B4GALNT2: variants seen among roughly 807,000 people sequenced by gnomAD.
B4GALNT2 encodes beta-1,4-N-acetyl-galactosaminyltransferase 2 (SID blood group).
A neutral mutation model predicts 51.1 loss-of-function variants in B4GALNT2; 42 were observed. The observed-to-expected ratio is 0.82, with a 90% CI of 0.64 to 1.06. The LOEUF (loss-of-function observed/expected upper bound fraction) is 1.06. Ranked by LOEUF, B4GALNT2 falls within the 50% of genes least tolerant of loss-of-function variation. The pLI is 0.00. For missense variants in B4GALNT2, 602 were observed against 633.6 expected (o/e 0.95, Z 0.54); for synonymous variants, 253 against 251.7 (o/e 1.01, Z -0.05).
At chr17:49,161,232 G>A (rs1238754296) in intron 7 of B4GALNT2, among the ~76,000 whole-genome samples, 5 of 148,694 alleles carry the variant, frequency 3.4e-5, no homozygotes, top group Non-Finnish European at 5.9e-5. Context: ...CCAAGATTGC[G>A]CCACTGCACT....
intron 1 of B4GALNT2, among the ~76,000 whole-genome samples, chr17:49,135,635 T>C (rs943628209): frequency 6.6e-6 from 1 of 152,128 alleles, no homozygotes; most frequent in African/African-American, 2.4e-5. Flanking sequence ...TTTTGACCAA[T>C]AAAAAATCTG....
In B4GALNT2 at chr17:49,141,366, C is replaced by G. The variant is rs752554373; in HGVS notation, c.134C>G (p.Pro45Arg). The G allele has an allele frequency of 1.2e-6, 2 of 1,614,176 alleles. No individual in the cohort carries two copies. Among genetic ancestry groups the G allele is most frequent in the Admixed American group, 3.3e-5 (2 of 60,020 alleles). ...AVFSSPKPEL[P>R]SPAPGVQKLK... ...TTCAGCAGCCCCAAGCCAGAACTCCCAAGTCCTGCCCCGGGTGTCCAGAAG... is the reference window on the plus strand; with the variant it reads ...TTCAGCAGCCCCAAGCCAGAACTCCGAAGTCCTGCCCCGGGTGTCCAGAAG... Residue 45 changes from proline (P) to arginine (R), a missense_variant, in exon 2 of 11, where the codon CCA becomes CGA. By Grantham distance (103) the Pro-to-Arg change is moderately radical. Coordinates refer to ENST00000393354, the MANE Select transcript of B4GALNT2 (RefSeq NM_001159387.2).
rs376911707 is a variant in B4GALNT2 at position 49,156,594 on chromosome 17, C to T, written c.489C>T (p.Pro163=). 22 of 1,613,640 alleles carry T rather than the reference C, an allele frequency of 1.4e-5. No individual in the cohort carries two copies. The highest frequency in any genetic ancestry group is 2.2e-5 in the South Asian group (2 of 90,944). The change falls in exon 5 of 11, where the codon CCC becomes CCT. Residue 163 remains proline, a synonymous_variant. Coordinates refer to ENST00000393354, the MANE Select transcript of B4GALNT2 (RefSeq NM_001159387.2). ...TCCAGTTTGAAGGACCCGATGCCCCCGTCTATGAGGTGAGTCCTTCTCCCA... is the reference window on the plus strand; with the variant it reads ...TCCAGTTTGAAGGACCCGATGCCCCTGTCTATGAGGTGAGTCCTTCTCCCA... ...PGLQFEGPDA[P]VYEVTLTASL...
chr17:49,150,432 C>G (rs2042741682), intron 3 of B4GALNT2, among the ~76,000 whole-genome samples: 2 of 152,260 alleles, frequency 1.3e-5, no homozygotes, highest in African/African-American at 4.8e-5. Flanking sequence ...TACCCAACAG[C>G]TCATTGAGAA....
Position 49,171,512 on chromosome 17 carries a change from A to C in B4GALNT2, c.*1784A>C, listed in dbSNP as rs2042957481. ...TTTCCCAAATTTTGATCTTATTAAC[A>C]GACATTAATAGTTTCCACAAATCCT... On this transcript the variant is annotated 3_prime_UTR_variant, in exon 11 of 11. Transcript: ENST00000393354. The C allele has an allele frequency of 2.5e-6, 1 of 396,004 alleles. No individual in the cohort carries two copies. The highest frequency in any genetic ancestry group is 2.1e-5 in the African/African-American group (1 of 46,744). The allele number at this position is 396,004 out of a possible 1,614,324, so 24.5% of individuals were successfully genotyped here. A position where few individuals can be genotyped will look rare whatever the true frequency, so the allele number is the denominator to read the frequency against.
chr17:49,129,151 G>C (rs1010401645), upstream of B4GALNT2, among the ~76,000 whole-genome samples: 6 of 151,718 alleles, frequency 4.0e-5, no homozygotes, highest in African/African-American at 1.5e-4. Context: ...TTGGACTGGA[G>C]CCACAAGAAG....
At chr17:49,134,805 A>G (rs892016177) in intron 1 of B4GALNT2, among the ~76,000 whole-genome samples, 1 of 152,122 alleles carries the variant, frequency 6.6e-6, no homozygotes, top group Non-Finnish European at 1.5e-5. Flanking sequence ...TGGCCAAGCT[A>G]GTCCCGAACT....
chr17:49,158,800 G>A (rs1189977333), intron 5 of B4GALNT2, among the ~76,000 whole-genome samples: 1 of 152,020 alleles, frequency 6.6e-6, no homozygotes. Context: ...AGATGGGAAT[G>A]TTTCCAGAAA....
chr17:49,151,654 G>A (rs1344645309), intron 3 of B4GALNT2, among the ~76,000 whole-genome samples: 2 of 151,542 alleles, frequency 1.3e-5, no homozygotes, highest in African/African-American at 4.9e-5. Flanking sequence ...GCTGAGGCAG[G>A]AGAATCACTT....
intron 1 of B4GALNT2, among the ~76,000 whole-genome samples, chr17:49,135,487 T>TGATCGA (rs1284229271): frequency 6.6e-6 from 1 of 151,724 alleles, no homozygotes; most frequent in Non-Finnish European, 1.5e-5. Context: ...CTTGATCTCC[T>TGATCGA]GATCTCATGA....
At chr17:49,159,261 A>T (rs1387191247) in intron 6 of B4GALNT2, 44 bp downstream of exon 6, 2 of 1,582,634 alleles carry the variant, frequency 1.3e-6, no homozygotes, top group Admixed American at 3.4e-5. Flanking sequence ...GGGATCCAGA[A>T]GATACCTCTG....
chr17:49,176,539 C>T lies in B4GALNT2; in HGVS notation c.*6811C>T, dbSNP rs2042989635. 6.6e-6 allele frequency: 1 copy of T among 152,208 alleles called. No homozygotes were observed. The highest frequency in any genetic ancestry group is 2.4e-5 in the African/African-American group (1 of 41,452). 9.4% of individuals were successfully genotyped at this position (152,208 alleles called of 1,614,324 possible). A position where few individuals can be genotyped will look rare whatever the true frequency, so the allele number is the denominator to read the frequency against. ...GCTTAGGAACACCTTAAGAGGTTTT[C>T]CCCCCTGGGTGGGACAGGTGTTCCT... is the stretch of plus-strand genomic sequence containing the variant. On this transcript the variant is annotated 3_prime_UTR_variant, in exon 11 of 11. Coordinates refer to ENST00000393354, the MANE Select transcript of B4GALNT2 (RefSeq NM_001159387.2).
intron 3 of B4GALNT2, among the ~76,000 whole-genome samples, chr17:49,143,742 T>C (rs2042666936): frequency 6.6e-6 from 1 of 152,208 alleles, no homozygotes; most frequent in Admixed American, 6.5e-5. Flanking sequence ...AGCACGGTGC[T>C]GGCATCTGGT....
intron 5 of B4GALNT2, among the ~76,000 whole-genome samples, chr17:49,158,565 G>T (rs1206142061): frequency 1.3e-5 from 2 of 149,390 alleles, no homozygotes; most frequent in Non-Finnish European, 3.0e-5. Flanking sequence ...TTTAACCTGG[G>T]AGGTGGAGGT....
chr17:49,124,588 T>C, the B4GALNT2 span, among the ~76,000 whole-genome samples: 1 of 152,216 alleles, frequency 6.6e-6, no homozygotes, highest in Non-Finnish European at 1.5e-5. Flanking sequence ...AACATATTTA[T>C]ACAAATATAG....
At chr17:49,122,590 A>T in the B4GALNT2 span, among the ~76,000 whole-genome samples, 1 of 152,206 alleles carries the variant, frequency 6.6e-6, no homozygotes, top group South Asian at 2.1e-4. Flanking sequence ...CAAACCAATA[A>T]TCTATTTGGT....
intron 4 of B4GALNT2, 134 bp downstream of exon 4, chr17:49,153,040 C>T (rs1598207798): frequency 1.3e-6 from 1 of 746,652 alleles, no homozygotes; most frequent in Non-Finnish European, 2.3e-6. Context: ...GAGTTCAAGA[C>T]TGCAGTGAGC....
At chr17:49,141,186 T>C in intron 1 of B4GALNT2, 61 bp from the exon 2 acceptor site, 1 of 1,488,318 alleles carries the variant, frequency 6.7e-7, no homozygotes. Context: ...ATCAGTCTCA[T>C]ATACATTACA....
At position 49,160,540 on chromosome 17, in the gene B4GALNT2, T is replaced by C. The variant is rs200167882; in HGVS notation, c.680-15T>C. 207 of 1,611,122 alleles carry C rather than the reference T, an allele frequency of 1.3e-4. No homozygotes were observed. In the African/African-American group the frequency reaches 1.9e-3, roughly 15 times the overall value. On this transcript the variant is annotated splice_polypyrimidine_tract_variant and intron_variant, in intron 6 of 10. Transcript: ENST00000393354. ...CATGATACTCCCTGTGCCATTATCTTATTTCTCCCTCCAGTGAGTCTGGAG... is the reference window on the plus strand; with the variant it reads ...CATGATACTCCCTGTGCCATTATCTCATTTCTCCCTCCAGTGAGTCTGGAG...
Sources: gnomAD v4.1 joint callset for allele counts (sites outside exome capture counted in the v4.1 genomes callset) on GRCh38, gnomAD v4.1.1 for gene constraint, MANE v1.5 for transcripts, NCBI Gene and HGNC (gene_info 2026-07-23, HGNC 2026-07-21) for gene names.